Variants in DNAH17 observed in about 807,000 individuals in gnomAD.
The protein encoded by DNAH17 is dynein axonemal heavy chain 17.
A neutral mutation model predicts 485.6 loss-of-function variants in DNAH17; 376 were observed. The observed-to-expected ratio is 0.77, with a 90% CI of 0.71 to 0.84. The LOEUF (loss-of-function observed/expected upper bound fraction) is 0.84. Ranked by LOEUF, DNAH17 falls within the 40% of genes least tolerant of loss-of-function variation. The probability of loss-of-function intolerance (pLI) is 0.00; values close to 1 mark genes in which losing one functional copy is unlikely to be tolerated. For missense variants in DNAH17, 6,370 were observed against 5,839.3 expected (o/e 1.09, Z -2.96); for synonymous variants, 3,031 against 2,405.9 (o/e 1.26, Z -7.60).
intron 16 of DNAH17, among the ~76,000 whole-genome samples, chr17:78,547,758 T>G (rs997233390): frequency 2.0e-5 from 3 of 151,992 alleles, no homozygotes; most frequent in African/African-American, 7.2e-5. Context: ...GCTGGGATCA[T>G]AGGTGTGTGC....
chr17:78,564,693 T>A (rs539144097), intron 11 of DNAH17, among the ~76,000 whole-genome samples: 45 of 152,284 alleles, frequency 3.0e-4, no homozygotes, highest in African/African-American at 6.7e-4. Flanking sequence ...AGTTGTGCAC[T>A]GCAGGAAATA....
chr17:78,434,097 G>C lies in DNAH17; in HGVS notation c.12157C>G (p.Pro4053Ala), dbSNP rs1568045356. ...FGAQGWNRSY[P>A]FNNGDLTISI... ...ATGGTGAGGTCCCCGTTGTTGAAGG[G>C]GTACGACCGGTTCCAGCCCTGGGCG... Residue 4053 changes from proline (P) to alanine (A), a missense_variant, in exon 75 of 81, where the codon CCC becomes GCC. Transcript: ENST00000389840. 2.5e-6 allele frequency: 4 copies of C among 1,613,628 alleles called. No individual in the cohort carries two copies. Among genetic ancestry groups the C allele is most frequent in the Non-Finnish European group, 2.5e-6 (3 of 1,179,832 alleles).
chr17:78,479,737 T>G, intron 49 of DNAH17, 105 bp from the exon 50 acceptor site: 1 of 1,495,756 alleles, frequency 6.7e-7, no homozygotes, highest in Admixed American at 2.2e-5. Context: ...TGTTCTAAGG[T>G]CTTTTGGGCA....
chr17:78,427,744 G>T (rs1244449521), intron 77 of DNAH17, among the ~76,000 whole-genome samples: 5 of 152,150 alleles, frequency 3.3e-5, no homozygotes. Flanking sequence ...GGCCGAGGCG[G>T]GATGGTCACC....
At chr17:78,452,413 A>G (rs973901455) in intron 65 of DNAH17, among the ~76,000 whole-genome samples, 2 of 152,280 alleles carry the variant, frequency 1.3e-5, no homozygotes, top group African/African-American at 2.4e-5. Flanking sequence ...AAGGACTGAC[A>G]CATGCGACCA....
chr17:78,507,113 G>T (rs1023505634), intron 29 of DNAH17, among the ~76,000 whole-genome samples, 165 bp downstream of exon 29: 1 of 152,200 alleles, frequency 6.6e-6, no homozygotes, highest in Non-Finnish European at 1.5e-5. Flanking sequence ...GTGGGATGAG[G>T]CCGGGGAGTG....
chr17:78,566,623 G>A lies in DNAH17; in HGVS notation c.1560C>T (p.Ser520=). 1 of 1,605,798 alleles carries A rather than the reference G, an allele frequency of 6.2e-7. No homozygotes were observed. The change falls in exon 11 of 81, where the codon TCC becomes TCT. Residue 520 remains serine (S), a synonymous_variant. Coordinates refer to ENST00000389840, the MANE Select transcript of DNAH17 (RefSeq NM_173628.4). The part of the protein sequence containing the change: ...QGFDDCSCIK[S]SAKLLYMCGG... The stretch of plus-strand genomic sequence containing the variant: ...TCCACTGCATGCTTACCTTTGCGGA[G>A]GACTTGATACAGCTGCAGTCATCAA...
At chr17:78,500,058 G>C (rs1404503291) in intron 36 of DNAH17, 3 of 461,076 alleles carry the variant, frequency 6.5e-6, no homozygotes, top group African/African-American at 6.0e-5. Flanking sequence ...TTGAGAGAGG[G>C]TCACCTCCAG....
Position 78,501,175 on chromosome 17 carries a change from G to A in DNAH17, c.5483+9C>T, listed in dbSNP as rs746267276. 2.6e-5 allele frequency: 40 copies of A among 1,566,516 alleles called. No individual in the cohort carries two copies. The highest frequency in any genetic ancestry group is 2.2e-4 in the African/African-American group (16 of 74,112). ...GAGCACATGTGAGTTACTCAGGGACGGGCCTCACCTGTCAGTGAGTGGGGT... is the reference window on the plus strand; with the variant it reads ...GAGCACATGTGAGTTACTCAGGGACAGGCCTCACCTGTCAGTGAGTGGGGT... On this transcript the variant is annotated intron_variant, in intron 35 of 80. Coordinates refer to ENST00000389840, the MANE Select transcript of DNAH17 (RefSeq NM_173628.4).
intron 75 of DNAH17, among the ~76,000 whole-genome samples, chr17:78,432,340 G>C (rs2086704249): frequency 6.6e-6 from 1 of 152,140 alleles, no homozygotes; most frequent in South Asian, 2.1e-4. Context: ...TTCAGATCCG[G>C]GTCTTGTTCT....
chr17:78,494,382 C>T (rs1021653549), intron 40 of DNAH17, among the ~76,000 whole-genome samples: 11 of 38,098 alleles, frequency 2.9e-4, no homozygotes, highest in Non-Finnish European at 4.2e-4. Context: ...TGCCTGAAGC[C>T]CCCCCAGCCT....
intron 14 of DNAH17, among the ~76,000 whole-genome samples, chr17:78,556,388 C>T (rs146756688): frequency 4.5e-4 from 69 of 152,298 alleles, no homozygotes; most frequent in Non-Finnish European, 7.8e-4. Context: ...GGCAGCCCAG[C>T]GGATGCCTTG....
chr17:78,533,001 C>T (rs1169214753), intron 19 of DNAH17: 6 of 314,122 alleles, frequency 1.9e-5, no homozygotes, highest in Non-Finnish European at 3.5e-5. Context: ...AAGCGATCCT[C>T]CTGCCTCAGC....
At chr17:78,462,708 C>T (rs2088197372) in intron 57 of DNAH17, 136 bp downstream of exon 57, 5 of 783,560 alleles carry the variant, frequency 6.4e-6, no homozygotes, top group South Asian at 1.8e-5. Flanking sequence ...TTCTCAAAGG[C>T]AGGAAGCGTG....
At chr17:78,428,894 C>G (rs185500271) in intron 76 of DNAH17, among the ~76,000 whole-genome samples, 187 bp from the exon 77 acceptor site, 16 of 149,916 alleles carry the variant, frequency 1.1e-4, no homozygotes, top group Admixed American at 8.7e-4. Flanking sequence ...AAATTCCATT[C>G]CCCCTTCCCT....
rs557605930 is a variant in DNAH17 at position 78,433,292 on chromosome 17, T to C, written c.12225+737A>G. Reference sequence around the variant, plus strand: ...GGGGTGGCCAAGCCTTAGGAGACCGTAGATGGGGCTGCAGGGCCTAGCAGG... The same window carrying C: ...GGGGTGGCCAAGCCTTAGGAGACCGCAGATGGGGCTGCAGGGCCTAGCAGG... On this transcript the variant is annotated intron_variant, in intron 75 of 80. Coordinates refer to ENST00000389840, the MANE Select transcript of DNAH17 (RefSeq NM_173628.4). Among the ~76,000 whole-genome samples, 19 of 152,242 alleles carry C rather than the reference T, an allele frequency of 1.2e-4. No individual in the cohort carries two copies. In the East Asian group the frequency reaches 2.5e-3, roughly 20 times the overall value.
In DNAH17 at chr17:78,475,455, G is replaced by A. The variant is rs761248914; in HGVS notation, c.8334C>T (p.Asp2778=). 73 of 1,613,606 alleles carry A rather than the reference G, an allele frequency of 4.5e-5. 1 individual carries two copies. Among genetic ancestry groups the A allele is most frequent in the Middle Eastern group, 1.7e-4 (1 of 6,034 alleles). ...TAATCCTGCAGATGTGAGCCACGGCGTCCTCAAACAGCACCTGCAGAAACC... is the reference window on the plus strand; with the variant it reads ...TAATCCTGCAGATGTGAGCCACGGCATCCTCAAACAGCACCTGCAGAAACC... ...NAVMNLVLFE[D]AVAHICRINR... is the part of the protein sequence containing the mutation. Residue 2778 remains aspartate (D), a synonymous_variant, in exon 54 of 81, where the codon GAC becomes GAT. Coordinates refer to ENST00000389840, the MANE Select transcript of DNAH17 (RefSeq NM_173628.4).
At chr17:78,477,467 C>T (rs1253831230) in intron 51 of DNAH17, among the ~76,000 whole-genome samples, 5 of 152,148 alleles carry the variant, frequency 3.3e-5, no homozygotes, top group Non-Finnish European at 7.4e-5. Context: ...CAACCTCTGC[C>T]TCCTGGGTTC....
At chr17:78,448,570 C>T (rs2087411795) in intron 69 of DNAH17, among the ~76,000 whole-genome samples, 1 of 152,144 alleles carries the variant, frequency 6.6e-6, no homozygotes, top group South Asian at 2.1e-4. Context: ...TGTTTCCAAC[C>T]ATACTTATGG....
Sources: gnomAD v4.1 joint callset for allele counts (sites outside exome capture counted in the v4.1 genomes callset) on GRCh38, gnomAD v4.1.1 for gene constraint, MANE v1.5 for transcripts, NCBI Gene and HGNC (gene_info 2026-07-23, HGNC 2026-07-21) for gene names.